PCSK6: variants seen among roughly 807,000 people sequenced by gnomAD.
PCSK6 encodes paired basic amino acid cleaving enzyme 4.
Under a neutral mutation model 123.3 loss-of-function variants are expected in PCSK6, and 85 were observed. The ratio of observed to expected loss-of-function variants is 0.69; its 90% CI spans 0.58 to 0.83. The LOEUF is 0.83. Among genes scored for constraint, PCSK6 ranks in the 40% least tolerant of loss-of-function variants. The pLI is 0.00. For missense variants in PCSK6, 1,191 were observed against 1,282.3 expected, an observed-to-expected ratio of 0.93 and a Z score of 1.09; for synonymous variants, 508 against 516.0, an observed-to-expected ratio of 0.98 and a Z score of 0.21.
At chr15:101,429,574 C>A (rs574141211) in intron 5 of PCSK6, among the ~76,000 whole-genome samples, 91 of 152,318 alleles carry the variant, frequency 6.0e-4, no homozygotes, top group Non-Finnish European at 9.8e-4. Context: ...CATGCCCCTT[C>A]CACCTCATTC....
chr15:101,481,927 C>A (rs1190422222), intron 1 of PCSK6, among the ~76,000 whole-genome samples: 3 of 152,206 alleles, frequency 2.0e-5, no homozygotes, highest in Non-Finnish European at 4.4e-5. Flanking sequence ...TGCTGATGAG[C>A]AGGAGCCAGT....
At chr15:101,407,493 C>A (rs74324577) in intron 6 of PCSK6, among the ~76,000 whole-genome samples, 2,113 of 152,118 alleles carry the variant, frequency 0.014, 45 homozygotes, top group African/African-American at 0.048. Context: ...GCAAGCCAAC[C>A]AATCCAGAGT....
At chr15:101,478,636 AG>A (rs1417313835) in intron 1 of PCSK6, among the ~76,000 whole-genome samples, 1 of 152,134 alleles carries the variant, frequency 6.6e-6, no homozygotes, top group Admixed American at 6.5e-5. Flanking sequence ...CTAGGATGCT[AG>A]GTGTGTCCAG....
At position 101,431,482 on chromosome 15, in the gene PCSK6, C is replaced by A. The variant is rs1164713672; in HGVS notation, c.514-19G>T. 3 of 1,613,118 alleles carry A rather than the reference C, an allele frequency of 1.9e-6. No individual in the cohort carries two copies. The highest frequency in any genetic ancestry group is 2.2e-5 in the South Asian group (2 of 90,910). On this transcript the variant is annotated intron_variant, in intron 3 of 21. Transcript: ENST00000611716. ...CACAATGCTGTAAGCACGAAAGACA[C>A]AAAGTCCCCCCGACATGGACATTCC...
chr15:101,417,363 C>T (rs4965855), intron 6 of PCSK6, among the ~76,000 whole-genome samples: 47,336 of 151,944 alleles, frequency 0.31, 7,956 homozygotes, highest in African/African-American at 0.45. Flanking sequence ...TTGGCATATT[C>T]ACAAAAACTG....
intron 6 of PCSK6, among the ~76,000 whole-genome samples, chr15:101,414,505 A>G (rs927438195): frequency 1.4e-4 from 22 of 152,324 alleles, no homozygotes; most frequent in Admixed American, 1.2e-3. Flanking sequence ...GGAGGTGACG[A>G]CAGACAGAAG....
chr15:101,463,190 T>C, intron 1 of PCSK6: 1 of 447,030 alleles, frequency 2.2e-6, no homozygotes, highest in Non-Finnish European at 4.5e-6. Flanking sequence ...GTTGGCTCCT[T>C]TGCCCTCTGA....
At chr15:101,440,085 T>C (rs746930467) in intron 2 of PCSK6, among the ~76,000 whole-genome samples, 8 of 152,234 alleles carry the variant, frequency 5.3e-5, no homozygotes, top group Admixed American at 1.3e-4. Context: ...CTTTCAGTGA[T>C]TGGTCGACGC....
Position 101,348,243 on chromosome 15 carries a change from G to A in PCSK6, c.1859-16212C>T, listed in dbSNP as rs1370562649. 3.9e-5 allele frequency among the ~76,000 whole-genome samples: 6 copies of A among 152,246 alleles called. No homozygotes were observed. In the South Asian group the frequency reaches 1.0e-3, roughly 26 times the overall value. On this transcript the variant is annotated intron_variant, in intron 13 of 21. Transcript: ENST00000611716. ...GCCATTCCAACGCCCAGGCTTCACC[G>A]TGGGGGAGGCTGGGGGAGCCGAGGC...
At chr15:101,316,578 A>G (rs12902381) in intron 19 of PCSK6, among the ~76,000 whole-genome samples, 37,363 of 152,212 alleles carry the variant, frequency 0.25, 5,598 homozygotes, top group African/African-American at 0.42. Context: ...ATAATAGACA[A>G]AAAGGCGACA....
chr15:101,459,917 A>G (rs1270264443), intron 1 of PCSK6, among the ~76,000 whole-genome samples: 2 of 152,140 alleles, frequency 1.3e-5, no homozygotes, highest in Admixed American at 6.5e-5. Flanking sequence ...ATGTTATAAA[A>G]TGAGTTCAGG....
rs772698260 is a variant in PCSK6, at chr15:101,313,455, C to T, written c.2620G>A (p.Asp874Asn). 1.6e-5 allele frequency: 25 copies of T among 1,611,620 alleles called. No individual in the cohort carries two copies. Among genetic ancestry groups the T allele is most frequent in the African/African-American group, 8.0e-5 (6 of 74,938 alleles). Residue 874 changes from aspartate to asparagine, a missense_variant, in exon 20 of 22, where the codon GAC (aspartate) becomes AAC (asparagine). Transcript: ENST00000611716. ...IHCAKNFHFH[D>N]WKCVPACGEG... ...CCACAGGCTGGCACACACTTCCAGT[C>T]GTGGAAGTGGAAGTTTTTCGCACAG... is the stretch of plus-strand genomic sequence containing the variant.
intron 13 of PCSK6, among the ~76,000 whole-genome samples, chr15:101,350,340 T>C (rs1596215028): frequency 6.6e-6 from 1 of 152,238 alleles, no homozygotes; most frequent in African/African-American, 2.4e-5. Context: ...TTCTTAGTGA[T>C]CTGTAAGCAC....
intron 1 of PCSK6, among the ~76,000 whole-genome samples, chr15:101,449,271 A>T (rs567820554): frequency 9.4e-4 from 143 of 152,334 alleles, no homozygotes; most frequent in Admixed American, 1.6e-3. Context: ...TTGTTATACC[A>T]TATTGTTTAA....
chr15:101,433,541 C>T (rs1448573675), intron 2 of PCSK6, among the ~76,000 whole-genome samples: 1 of 152,190 alleles, frequency 6.6e-6, no homozygotes, highest in Non-Finnish European at 1.5e-5. Context: ...CAGGGGATCC[C>T]ACCAATCAGA....
At position 101,398,953 on chromosome 15, in the gene PCSK6, A is replaced by C. The variant is rs1220567160; in HGVS notation, c.824-377T>G. Among the ~76,000 whole-genome samples, 1 of 152,016 alleles carries C rather than the reference A, an allele frequency of 6.6e-6. No homozygotes were observed. Among genetic ancestry groups the C allele is most frequent in the Non-Finnish European group, 1.5e-5 (1 of 67,992 alleles). On this transcript the variant is annotated intron_variant, in intron 6 of 21. Transcript: ENST00000611716. The surrounding 1 kb of genome is among the most constrained non-coding windows in gnomAD (Gnocchi z 4.6). ...AGTCTCACTCTGTCACCCAGGCTGG[A>C]GGGCAGTGGTGCAATCTCGGCTCAC...
intron 1 of PCSK6, among the ~76,000 whole-genome samples, chr15:101,458,491 C>T (rs2057250967): frequency 6.6e-6 from 1 of 152,162 alleles, no homozygotes; most frequent in Non-Finnish European, 1.5e-5. Flanking sequence ...TTAGGAGGGC[C>T]CTTGGTACAG....
intron 12 of PCSK6, among the ~76,000 whole-genome samples, chr15:101,367,158 C>G (rs1309319093): frequency 2.0e-5 from 3 of 152,184 alleles, no homozygotes; most frequent in Non-Finnish European, 4.4e-5. Flanking sequence ...CCCTTGAGCC[C>G]CTGGGCCTTC....
chr15:101,460,042 G>A (rs975019358), intron 1 of PCSK6, among the ~76,000 whole-genome samples: 1 of 151,996 alleles, frequency 6.6e-6, no homozygotes, highest in Non-Finnish European at 1.5e-5. Flanking sequence ...ACTATCCCAG[G>A]CCCCACACTG....
Sources: gnomAD v4.1 joint callset for allele counts (sites outside exome capture counted in the v4.1 genomes callset) on GRCh38, gnomAD v4.1.1 for gene constraint, Gnocchi (gnomAD v3.1) non-coding constraint, MANE v1.5 for transcripts, NCBI Gene and HGNC (gene_info 2026-07-23, HGNC 2026-07-21) for gene names.